PCDH19: variants seen among roughly 807,000 people sequenced by gnomAD.
The protein encoded by PCDH19 is protocadherin-19.
Under a neutral mutation model 46.2 loss-of-function variants are expected in PCDH19, and 6 were observed. The ratio of observed to expected loss-of-function variants is 0.13; its 90% CI spans 0.07 to 0.26. The LOEUF (loss-of-function observed/expected upper bound fraction) is 0.26. Among genes scored for constraint, PCDH19 ranks in the 10% least tolerant of loss-of-function variants. The probability of loss-of-function intolerance (pLI) is 1.00; values close to 1 mark genes in which losing one functional copy is unlikely to be tolerated. For synonymous variants in PCDH19, 481 were observed against 415.7 expected, an observed-to-expected ratio of 1.16 and a Z score of -1.91; for missense variants, 740 against 972.3, an observed-to-expected ratio of 0.76 and a Z score of 3.18.
At chrX:100,368,626 C>T (rs1285416732) in intron 3 of PCDH19, among the ~76,000 whole-genome samples, 1 of 111,512 alleles carries the variant, frequency 9.0e-6, no homozygotes, top group Non-Finnish European at 1.9e-5. Context: ...CTGTCTCTCA[C>T]CAACTAACTG....
At chrX:100,338,521 CAAAAA>C (rs67274603) in intron 5 of PCDH19, among the ~76,000 whole-genome samples, 1 of 57,711 alleles carries the variant, frequency 1.7e-5, no homozygotes, top group Admixed American at 2.2e-4. Flanking sequence ...GACTCTGTCT[CAAAAA>C]AAAAAAAAAA....
At chrX:100,388,121 C>T (rs1387203184) in intron 3 of PCDH19, among the ~76,000 whole-genome samples, 1 of 111,031 alleles carries the variant, frequency 9.0e-6, no homozygotes, top group Non-Finnish European at 1.9e-5. Context: ...TGACTTCCTA[C>T]AACCTGAGAT....
intron 5 of PCDH19, among the ~76,000 whole-genome samples, chrX:100,333,165 GGA>G (rs1158475430): frequency 0.06 from 2,852 of 47,459 alleles, 169 homozygotes; most frequent in South Asian, 0.11. Flanking sequence ...AAGGAAGGAA[GGA>G]AGGAAGGGAG....
chrX:100,321,650 G>A (rs1037448326), intron 5 of PCDH19, among the ~76,000 whole-genome samples: 4 of 109,478 alleles, frequency 3.7e-5, no homozygotes, highest in Admixed American at 9.8e-5. Context: ...GTTTGAGTTC[G>A]TTGTAGATTC....
intron 5 of PCDH19, among the ~76,000 whole-genome samples, chrX:100,330,821 C>T (rs12558636): frequency 0.33 from 36,531 of 111,119 alleles, 5,344 homozygotes; most frequent in East Asian, 0.65. Flanking sequence ...TTAAAAAGAA[C>T]TAAACTAATG....
In PCDH19 at chrX:100,391,747, G is replaced by T. The variant is rs191557885; in HGVS notation, c.2616+10777C>A. On this transcript the variant is annotated intron_variant, in intron 3 of 5. Coordinates refer to ENST00000373034, the MANE Select transcript of PCDH19 (RefSeq NM_001184880.2). ...CAGAATTCTCTATGTCTTGGATTCT[G>T]ATTTCCCTAGTAATAACAGGCTTCA... 1.8e-3 allele frequency among the ~76,000 whole-genome samples: 207 copies of T among 112,229 alleles called. 1 individual carries two copies. Among genetic ancestry groups the T allele is most frequent in the Middle Eastern group, 9.2e-3 (2 of 218 alleles).
At chrX:100,382,449 A>G (rs1024246587) in intron 3 of PCDH19, among the ~76,000 whole-genome samples, 1 of 112,332 alleles carries the variant, frequency 8.9e-6, no homozygotes, top group South Asian at 3.7e-4. Flanking sequence ...CATGATCTCA[A>G]AAGTTCCTCA....
chrX:100,406,575 C>T lies in PCDH19; in HGVS notation c.2023G>A (p.Val675Met). Residue 675 changes from valine to methionine, a missense_variant, in exon 1 of 6, where the codon GTG becomes ATG. Coordinates refer to ENST00000373034, the MANE Select transcript of PCDH19 (RefSeq NM_001184880.2). ...ALDAQESMGS[V>M]NLSLIFIIAL... ...ATAATGAAAATCAAGGACAAGTTCA[C>T]AGAGCCCATTGACTCTTGGGCATCG... 4.1e-6 allele frequency: 5 copies of T among 1,210,570 alleles called. No individual in the cohort carries two copies. The Middle Eastern group carries it at 9.2e-4, about 222-fold the overall frequency.
intron 3 of PCDH19, among the ~76,000 whole-genome samples, chrX:100,353,270 G>T (rs894216909): frequency 8.9e-6 from 1 of 112,091 alleles, no homozygotes; most frequent in African/African-American, 3.2e-5. Flanking sequence ...GAAATCTAGA[G>T]GATACTGGCT....
intron 3 of PCDH19, among the ~76,000 whole-genome samples, chrX:100,360,673 G>A (rs1308933879): frequency 4.5e-5 from 5 of 111,789 alleles, no homozygotes; most frequent in African/African-American, 1.3e-4. Context: ...CTTAACACTG[G>A]CAGCCCTCTA....
intron 3 of PCDH19, among the ~76,000 whole-genome samples, chrX:100,377,170 G>A (rs1208339663): frequency 8.9e-6 from 1 of 111,859 alleles, no homozygotes; most frequent in Admixed American, 9.5e-5. Context: ...TATGAAGGCA[G>A]GGCTGTTAAA....
intron 3 of PCDH19, among the ~76,000 whole-genome samples, chrX:100,401,156 G>C (rs1390005825): frequency 8.9e-6 from 1 of 111,797 alleles, no homozygotes; most frequent in Non-Finnish European, 1.9e-5. Context: ...CTGGTAGCTT[G>C]GAAGAGGACA....
intron 3 of PCDH19, among the ~76,000 whole-genome samples, chrX:100,372,717 C>T (rs1927262856): frequency 8.9e-6 from 1 of 112,363 alleles, no homozygotes; most frequent in Non-Finnish European, 1.9e-5. Flanking sequence ...TCATGAAGTA[C>T]TAAAAGCCTC....
At chrX:100,385,543 A>G (rs1376944515) in intron 3 of PCDH19, among the ~76,000 whole-genome samples, 1 of 112,396 alleles carries the variant, frequency 8.9e-6, no homozygotes. Flanking sequence ...CCCTATCTGT[A>G]GAACAGAATA....
chrX:100,345,362 T>C (rs1238507805), intron 4 of PCDH19, among the ~76,000 whole-genome samples: 1 of 111,805 alleles, frequency 8.9e-6, no homozygotes, highest in African/African-American at 3.2e-5. Flanking sequence ...TAATTTCTTC[T>C]AACATTAAAG....
At position 100,292,960 on chromosome X, in the gene PCDH19, C is replaced by T. The variant is rs1924472883; in HGVS notation, c.*3317G>A. The T allele has an allele frequency of 9.0e-6, 1 of 111,585 alleles. No homozygotes were observed. The highest frequency in any genetic ancestry group is 3.3e-5 in the African/African-American group (1 of 30,658). 9.2% of individuals were successfully genotyped at this position (111,585 alleles called of 1,213,427 possible). ...TATGTACAATAATAATCCTTTTCCA[C>T]TCTGGATGCCCAATCGAGCTATCCC... On this transcript the variant is annotated 3_prime_UTR_variant, in exon 6 of 6. Transcript: ENST00000373034.
intron 3 of PCDH19, among the ~76,000 whole-genome samples, chrX:100,362,182 CTT>C (rs1424356928): frequency 2.7e-5 from 3 of 111,535 alleles, no homozygotes; most frequent in Non-Finnish European, 3.8e-5. Flanking sequence ...ACAGCTCTCT[CTT>C]GGTCAATTTT....
intron 5 of PCDH19, among the ~76,000 whole-genome samples, chrX:100,312,105 GAGAGAGAGAGAGAGAGA>G (rs1925148833): frequency 1.8e-5 from 1 of 56,941 alleles, no homozygotes; most frequent in Non-Finnish European, 5.0e-5. Context: ...CTAAAACATT[GAGAGAGAGAGAGAGAGA>G]AGAGAGAAGA....
At chrX:100,317,712 T>C (rs762045333) in intron 5 of PCDH19, among the ~76,000 whole-genome samples, 1 of 110,238 alleles carries the variant, frequency 9.1e-6, no homozygotes, top group African/African-American at 3.3e-5. Flanking sequence ...CCTTCATGTA[T>C]CCCCCTACCC....
Sources: allele counts gnomAD v4.1 joint callset (sites outside exome capture counted in the v4.1 genomes callset), GRCh38; gene constraint gnomAD v4.1.1; transcripts MANE v1.5; gene names NCBI Gene and HGNC (gene_info 2026-07-23, HGNC 2026-07-21).